Variants in ARL15 observed in about 807,000 individuals in gnomAD.
ARL15 encodes ARF like GTPase 15.
ARL15 carries 19 observed loss-of-function variants against 25.2 expected under a neutral mutation model. That is an observed-to-expected ratio of 0.75 (90% CI 0.53 to 1.10). The LOEUF is 1.10. ARL15 is among the 50% of genes least tolerant of loss of function. The pLI is 0.00. For missense variants in ARL15, 220 were observed against 246.0 expected (o/e 0.89, Z 0.71); for synonymous variants, 94 against 86.8 (o/e 1.08, Z -0.46).
chr5:54,071,246 T>G (rs1039795837), intron 4 of ARL15, among the ~76,000 whole-genome samples: 29 of 152,096 alleles, frequency 1.9e-4, no homozygotes, highest in Non-Finnish European at 1.0e-4. Context: ...CAACAGCAAG[T>G]GGACTAAGTA....
intron 4 of ARL15, among the ~76,000 whole-genome samples, chr5:54,036,639 G>A (rs560628894): frequency 6.6e-6 from 1 of 152,090 alleles, no homozygotes; most frequent in African/African-American, 2.4e-5. Context: ...TGTAAAGATT[G>A]TCAGATACTT....
intron 4 of ARL15, among the ~76,000 whole-genome samples, chr5:54,046,246 C>T (rs112567255): frequency 0.041 from 6,249 of 152,142 alleles, 424 homozygotes; most frequent in African/African-American, 0.14. Flanking sequence ...TTTGGGAGGC[C>T]GAGGTGGATG....
chr5:54,008,475 G>C (rs1749120587), intron 4 of ARL15, among the ~76,000 whole-genome samples: 1 of 152,178 alleles, frequency 6.6e-6, no homozygotes, highest in Admixed American at 6.5e-5. Flanking sequence ...AGTTCTCTCA[G>C]ACTTTTGACC....
chr5:54,054,616 C>A (rs1276774863), intron 4 of ARL15, among the ~76,000 whole-genome samples: 1 of 152,092 alleles, frequency 6.6e-6, no homozygotes, highest in South Asian at 2.1e-4. Context: ...CGGTGAAACC[C>A]CGTCTCTACT....
chr5:54,045,908 T>C (rs1249834460), intron 4 of ARL15, among the ~76,000 whole-genome samples: 3 of 152,206 alleles, frequency 2.0e-5, no homozygotes, highest in Non-Finnish European at 4.4e-5. Context: ...AGTTTTCTCT[T>C]TCTGTCCTAC....
At chr5:54,043,612 C>T (rs1456849584) in intron 4 of ARL15, among the ~76,000 whole-genome samples, 1 of 152,110 alleles carries the variant, frequency 6.6e-6, no homozygotes, top group African/African-American at 2.4e-5. Flanking sequence ...AGATTTGCCT[C>T]TCCAAATGTC....
intron 4 of ARL15, among the ~76,000 whole-genome samples, chr5:54,030,265 C>T (rs1359498404): frequency 1.3e-5 from 2 of 152,032 alleles, no homozygotes; most frequent in African/African-American, 4.8e-5. Context: ...ATGTATAAGA[C>T]ACATAAGGGC....
chr5:53,939,581 A>C (rs1746465911), intron 4 of ARL15, among the ~76,000 whole-genome samples: 1 of 152,070 alleles, frequency 6.6e-6, no homozygotes, highest in Non-Finnish European at 1.5e-5. Context: ...CTAAAAATAA[A>C]AAAATTAGCT....
chr5:54,310,525 A>C lies in ARL15; in HGVS notation c.-46T>G, dbSNP rs1561304553. 10 of 1,567,862 alleles carry C rather than the reference A, an allele frequency of 6.4e-6. No individual in the cohort carries two copies. The highest frequency in any genetic ancestry group is 8.6e-6 in the Non-Finnish European group (10 of 1,157,726). On this transcript the variant is annotated 5_prime_UTR_variant, in exon 1 of 5. Transcript: ENST00000504924. Reference sequence around the variant, plus strand: ...GAACGGCTCCGAACCCGGAAAAAAAAAGCAGCGTCTCTGGCTGCGAGCGAG... The same window carrying C: ...GAACGGCTCCGAACCCGGAAAAAAACAGCAGCGTCTCTGGCTGCGAGCGAG...
chr5:54,307,287 C>A (rs1758780903), intron 1 of ARL15, among the ~76,000 whole-genome samples: 1 of 152,112 alleles, frequency 6.6e-6, no homozygotes, highest in South Asian at 2.1e-4. Context: ...AACAAAACAC[C>A]TAATCCAAAC....
At position 54,194,246 on chromosome 5, in the gene ARL15, A is replaced by G. The variant is rs142737474; in HGVS notation, c.49-22318T>C. 5.6e-3 allele frequency among the ~76,000 whole-genome samples: 848 copies of G among 152,308 alleles called. 5 individuals are homozygous for G. The highest frequency in any genetic ancestry group is 0.019 in the African/African-American group (794 of 41,568). ...AAAATACATGACATCAATTATTATC[A>G]GAGGCATGGACCCACTGCGATGTTC... is the stretch of plus-strand genomic sequence containing the variant. On this transcript the variant is annotated intron_variant, in intron 1 of 4. Coordinates refer to ENST00000504924, the MANE Select transcript of ARL15 (RefSeq NM_019087.3).
intron 4 of ARL15, among the ~76,000 whole-genome samples, chr5:53,990,696 A>G (rs1427836691): frequency 6.6e-6 from 1 of 152,198 alleles, no homozygotes; most frequent in Non-Finnish European, 1.5e-5. Context: ...TGTGTTTCTG[A>G]AGAAAGCTGG....
chr5:54,220,136 ATTACAATGCCTAGTTATTTATGTCT>A (rs745880717), intron 1 of ARL15, among the ~76,000 whole-genome samples: 20 of 152,244 alleles, frequency 1.3e-4, no homozygotes, highest in African/African-American at 2.2e-4. Flanking sequence ...CTGCCATACA[ATTACAATGCCTAGTTATTTATGTCT>A]CACAGATTAT....
At chr5:53,984,629 T>C (rs1346750698) in intron 4 of ARL15, among the ~76,000 whole-genome samples, 3 of 152,196 alleles carry the variant, frequency 2.0e-5, no homozygotes, top group African/African-American at 7.2e-5. Flanking sequence ...AAGGTCAATG[T>C]ATTACCTGGT....
At chr5:54,052,246 A>G (rs1184574921) in intron 4 of ARL15, among the ~76,000 whole-genome samples, 2 of 152,220 alleles carry the variant, frequency 1.3e-5, no homozygotes, top group East Asian at 3.8e-4. Flanking sequence ...AAAGAACTTT[A>G]TAGCACAACG....
At chr5:54,012,476 C>T (rs1749275493) in intron 4 of ARL15, among the ~76,000 whole-genome samples, 1 of 152,022 alleles carries the variant, frequency 6.6e-6, no homozygotes, top group East Asian at 1.9e-4. Flanking sequence ...CTGCATTTAA[C>T]CCAGGCTATG....
chr5:54,004,789 C>CTG (rs60269500), intron 4 of ARL15, among the ~76,000 whole-genome samples: 8,863 of 149,520 alleles, frequency 0.059, 289 homozygotes, highest in African/African-American at 0.076. Flanking sequence ...GTGTGTGTGC[C>CTG]TGTGTGTGTG....
intron 3 of ARL15, among the ~76,000 whole-genome samples, chr5:54,136,750 T>G (rs1226342295): frequency 6.6e-6 from 1 of 152,324 alleles, no homozygotes; most frequent in South Asian, 2.1e-4. Context: ...ATAATTCTTT[T>G]TATAGCCACA....
intron 1 of ARL15, among the ~76,000 whole-genome samples, chr5:54,295,534 G>A (rs900845601): frequency 2.0e-5 from 3 of 152,182 alleles, no homozygotes; most frequent in East Asian, 3.9e-4. Context: ...GAGCAATCGC[G>A]TGATCACATC....
Sources: gnomAD v4.1 joint callset for allele counts (sites outside exome capture counted in the v4.1 genomes callset) on GRCh38, gnomAD v4.1.1 for gene constraint, MANE v1.5 for transcripts, NCBI Gene and HGNC (gene_info 2026-07-23, HGNC 2026-07-21) for gene names.